Variants in TJP1 observed in about 807,000 individuals in gnomAD.
TJP1 encodes the protein tight junction protein ZO-1.
Under a neutral mutation model 194.2 loss-of-function variants are expected in TJP1, and 43 were observed. The ratio of observed to expected loss-of-function variants is 0.22; its 90% CI spans 0.17 to 0.29. The LOEUF (loss-of-function observed/expected upper bound fraction) is 0.29, where lower values mean the gene tolerates loss of function less well. Ranked by LOEUF, TJP1 falls within the 10% of genes least tolerant of loss-of-function variation. The pLI is 1.00. For missense variants in TJP1, 1,971 were observed against 2,185.7 expected (o/e 0.90, Z 1.96); for synonymous variants, 801 against 779.0 (o/e 1.03, Z -0.47).
chr15:29,910,974 C>T (rs2053993768), intron 2 of TJP1, among the ~76,000 whole-genome samples: 1 of 152,222 alleles, frequency 6.6e-6, no homozygotes, highest in Non-Finnish European at 1.5e-5. Flanking sequence ...CACTCACTAG[C>T]TGATACTTTT....
At chr15:29,845,126 T>A (rs1049527995) in intron 2 of TJP1, among the ~76,000 whole-genome samples, 1 of 152,350 alleles carries the variant, frequency 6.6e-6, no homozygotes, top group African/African-American at 2.4e-5. Context: ...AAACAAAGTA[T>A]GCTAAAGCAG....
At chr15:29,753,914 A>G (rs2045474926) in intron 8 of TJP1, among the ~76,000 whole-genome samples, 1 of 152,162 alleles carries the variant, frequency 6.6e-6, no homozygotes, top group African/African-American at 2.4e-5. Flanking sequence ...TACCAACAAT[A>G]TATGTAATTC....
intron 2 of TJP1, among the ~76,000 whole-genome samples, chr15:29,861,107 T>C (rs1345692437): frequency 2.0e-5 from 3 of 152,258 alleles, no homozygotes; most frequent in African/African-American, 7.2e-5. Flanking sequence ...ATGTATGCAT[T>C]TTGTGTGGAC....
At chr15:29,921,838 T>C (rs1045766616) in intron 2 of TJP1, among the ~76,000 whole-genome samples, 13 of 145,740 alleles carry the variant, frequency 8.9e-5, no homozygotes, top group African/African-American at 3.2e-4. Context: ...TTTTTCTTTT[T>C]CTTTCTTTCT....
intron 18 of TJP1, among the ~76,000 whole-genome samples, chr15:29,724,230 G>A (rs1166804158): frequency 6.6e-6 from 1 of 152,184 alleles, no homozygotes; most frequent in African/African-American, 2.4e-5. Flanking sequence ...GTCTCCCCAT[G>A]CTCCAGTTTT....
intron 1 of TJP1, among the ~76,000 whole-genome samples, chr15:29,805,566 A>C (rs2049056991): frequency 6.6e-6 from 1 of 152,186 alleles, no homozygotes; most frequent in Admixed American, 6.5e-5. Context: ...AACATGTATC[A>C]GACATGGTAA....
intron 2 of TJP1, among the ~76,000 whole-genome samples, chr15:29,854,907 AAAG>A (rs1264684125): frequency 6.6e-6 from 1 of 152,192 alleles, no homozygotes; most frequent in Non-Finnish European, 1.5e-5. Flanking sequence ...GGGGAAAAAA[AAAG>A]GTTAGAAACA....
chr15:29,718,528 T>G lies in TJP1; in HGVS notation c.3614A>C (p.Gln1205Pro), dbSNP rs781426140. Residue 1205 changes from glutamine to proline, a missense_variant, in exon 21 of 28, where the codon CAA becomes CCA. Gln to Pro is a moderately conservative substitution (Grantham distance 76). Coordinates refer to ENST00000614355, the MANE Select transcript of TJP1 (RefSeq NM_001330239.4). ...YSRSYEQVPP[Q>P]GFTSRAGHFE... is the part of the protein sequence containing the mutation. Reference sequence around the variant, plus strand: ...ATGACCTGCTCTAGAGGTAAATCCTTGGGGTGGTACTTGCTCGTAACTGCG... The same window carrying G: ...ATGACCTGCTCTAGAGGTAAATCCTGGGGGTGGTACTTGCTCGTAACTGCG... 4.3e-6 allele frequency: 7 copies of G among 1,614,080 alleles called. No individual in the cohort carries two copies. The highest frequency in any genetic ancestry group is 5.9e-6 in the Non-Finnish European group (7 of 1,180,014).
rs755598630 is a variant in TJP1, at chr15:29,774,202, G to GT, written c.85-846dup. Among the ~76,000 whole-genome samples, 15 of 152,146 alleles carry GT rather than the reference G, an allele frequency of 9.9e-5. No homozygotes were observed. The East Asian group carries it at 2.9e-3, about 29-fold the overall frequency. ...CAATTCAAACTGCCTGAGGACAAAGGTAACAACTTCCTCCCTCAGCTTTCC... is the reference window on the plus strand; with the variant it reads ...CAATTCAAACTGCCTGAGGACAAAGGTTAACAACTTCCTCCCTCAGCTTTCC... On this transcript the variant is annotated intron_variant, in intron 2 of 27. Transcript: ENST00000614355.
chr15:29,801,078 C>T (rs769347623), intron 1 of TJP1, among the ~76,000 whole-genome samples: 5 of 152,002 alleles, frequency 3.3e-5, no homozygotes, highest in Non-Finnish European at 5.9e-5. Context: ...GTTTTACAAA[C>T]GAAGGGAAAG....
chr15:29,791,413 CTTTTTT>C (rs34201715), intron 2 of TJP1, among the ~76,000 whole-genome samples: 8 of 51,204 alleles, frequency 1.6e-4, no homozygotes, highest in East Asian at 1.2e-3. Flanking sequence ...CCATAATATT[CTTTTTT>C]TTTTTTTTTT....
intron 2 of TJP1, among the ~76,000 whole-genome samples, chr15:29,949,881 C>CTT: frequency 9.5e-6 from 1 of 105,614 alleles, no homozygotes; most frequent in Non-Finnish European, 1.9e-5. Flanking sequence ...ACCTCCACAA[C>CTT]CACCACCTCC....
At chr15:29,862,894 C>G (rs966062379) in intron 2 of TJP1, among the ~76,000 whole-genome samples, 1 of 151,436 alleles carries the variant, frequency 6.6e-6, no homozygotes. Flanking sequence ...GTGATCCGCC[C>G]GCCTCGGCCT....
chr15:29,702,949 T>A (rs920165012), intron 27 of TJP1, among the ~76,000 whole-genome samples: 1 of 151,658 alleles, frequency 6.6e-6, no homozygotes, highest in Non-Finnish European at 1.5e-5. Context: ...CAAAATAAAA[T>A]TCTAATTATT....
At chr15:29,813,531 T>C (rs2049681812) in intron 1 of TJP1, among the ~76,000 whole-genome samples, 1 of 152,162 alleles carries the variant, frequency 6.6e-6, no homozygotes. Context: ...ACAAACATAA[T>C]GCTGAGCAAA....
At chr15:29,887,179 T>C (rs1429203126) in intron 2 of TJP1, among the ~76,000 whole-genome samples, 2 of 151,632 alleles carry the variant, frequency 1.3e-5, no homozygotes, top group African/African-American at 4.8e-5. Context: ...CCTGATTCTA[T>C]ATGGTGAAAT....
intron 2 of TJP1, among the ~76,000 whole-genome samples, chr15:29,952,177 A>T (rs1596318353): frequency 6.6e-6 from 1 of 152,330 alleles, no homozygotes; most frequent in East Asian, 1.9e-4. Context: ...CATCTGGTTT[A>T]TGTACCATTT....
intron 2 of TJP1, among the ~76,000 whole-genome samples, chr15:29,878,266 G>A (rs1426446302): frequency 6.6e-6 from 1 of 151,964 alleles, no homozygotes; most frequent in East Asian, 1.9e-4. Flanking sequence ...TAGCCAGGAT[G>A]GTCTCGATCT....
intron 2 of TJP1, among the ~76,000 whole-genome samples, chr15:29,853,501 A>T (rs1171636334): frequency 6.6e-6 from 1 of 152,216 alleles, no homozygotes; most frequent in Non-Finnish European, 1.5e-5. Context: ...ACATTGGACA[A>T]AGTATACAAG....
Sources: allele counts gnomAD v4.1 joint callset (sites outside exome capture counted in the v4.1 genomes callset), GRCh38; gene constraint gnomAD v4.1.1; transcripts MANE v1.5; gene names NCBI Gene and HGNC (gene_info 2026-07-23, HGNC 2026-07-21).